Variants in PLAAT5 observed in about 807,000 individuals in gnomAD.
The protein encoded by PLAAT5 is Ca(2+)-independent N-acyltransferase.
In PLAAT5, 27 loss-of-function variants were observed where a neutral mutation model predicts 27.8. The observed-to-expected ratio is 0.97, with a 90% CI of 0.72 to 1.34. The LOEUF (loss-of-function observed/expected upper bound fraction) is 1.34, where lower values mean the gene tolerates loss of function less well. PLAAT5 is among the 40% of genes most tolerant of loss of function. PLAAT5 has a pLI of 0.00. For missense variants in PLAAT5, 368 were observed against 343.8 expected, an observed-to-expected ratio of 1.07 and a Z score of -0.56; for synonymous variants, 125 against 136.1, an observed-to-expected ratio of 0.92 and a Z score of 0.57.
chr11:63,479,787 C>T (rs1161900176), intron 3 of PLAAT5, among the ~76,000 whole-genome samples: 1 of 152,140 alleles, frequency 6.6e-6, no homozygotes, highest in African/African-American at 2.4e-5. Flanking sequence ...AAAAGATGAA[C>T]AAGAAGTGAA....
At chr11:63,484,103 A>G (rs1489781497) in intron 3 of PLAAT5, among the ~76,000 whole-genome samples, 1 of 150,754 alleles carries the variant, frequency 6.6e-6, no homozygotes, top group Non-Finnish European at 1.5e-5. Flanking sequence ...GAAACTCTGA[A>G]CAGACGATAA....
At chr11:63,478,308 GAGAACCAAT>G (rs960610521) in intron 3 of PLAAT5, among the ~76,000 whole-genome samples, 5 of 151,750 alleles carry the variant, frequency 3.3e-5, no homozygotes, top group Non-Finnish European at 7.4e-5. Context: ...TGTTCTTTCT[GAGAACCAAT>G]AGACTTTCTT....
rs756289813 is a variant in PLAAT5 at position 63,488,931 on chromosome 11, T to C, written c.285A>G (p.Ala95=). 8 of 1,613,880 alleles carry C rather than the reference T, an allele frequency of 5.0e-6. No homozygotes were observed. The Admixed American group carries it at 1.2e-4, about 24-fold the overall frequency. ...CAGGCTTTGGAATTGAACTCCAGTC[T>C]GCTTTCTGGCTGGGTGTGGTCTCCA... ...VSLETTPSQK[A]DWSSIPKPEN... is the part of the protein sequence containing the mutation. The change falls in exon 3 of 6, where the codon GCA becomes GCG. Residue 95 remains alanine (A), a synonymous_variant. Transcript: ENST00000540857.
chr11:63,467,868 C>T (rs2015904633), intron 4 of PLAAT5, among the ~76,000 whole-genome samples: 1 of 152,172 alleles, frequency 6.6e-6, no homozygotes, highest in South Asian at 2.1e-4. Flanking sequence ...GCTGTATCTA[C>T]ATTTAGGGTG....
rs2120351816 is a variant in PLAAT5 at position 63,490,883 on chromosome 11, T to C, written c.148+4A>G. On this transcript the variant is annotated splice_donor_region_variant and intron_variant, in intron 1 of 5. Coordinates refer to ENST00000540857, the MANE Select transcript of PLAAT5 (RefSeq NM_001146729.2). The stretch of plus-strand genomic sequence containing the variant: ...TGTCCTTCAGCCGCATTCTTGGGGC[T>C]GACCTGAGTGGGGCACAGCTGAACG... The C allele has an allele frequency of 6.2e-7, 1 of 1,601,362 alleles. No homozygotes were observed.
intron 3 of PLAAT5, among the ~76,000 whole-genome samples, chr11:63,483,805 A>ATG (rs1258095040): frequency 1.4e-4 from 5 of 36,276 alleles, no homozygotes; most frequent in African/African-American, 1.1e-3. Context: ...ATATATGTAT[A>ATG]TATATATATA....
Position 63,468,456 on chromosome 11 carries a change from T to G in PLAAT5, c.355A>C (p.Arg119=), listed in dbSNP as rs1455461455. 6.2e-7 allele frequency: 1 copy of G among 1,613,486 alleles called. No individual in the cohort carries two copies. Among genetic ancestry groups the G allele is most frequent in the South Asian group, 1.1e-5 (1 of 91,040 alleles). Residue 119 remains arginine (R), a synonymous_variant, in exon 4 of 6, where the codon AGA becomes CGA. Transcript: ENST00000540857. ...TCAATCAGGTCTCCAGGTCTGGGTCTTGGTTTTCCCTATAATGGAAAAATA... is the reference window on the plus strand; with the variant it reads ...TCAATCAGGTCTCCAGGTCTGGGTCGTGGTTTTCCCTATAATGGAAAAATA... The part of the protein sequence containing the change: ...LIKQAAEGKP[R]PRPGDLIEIF...
intron 2 of PLAAT5, among the ~76,000 whole-genome samples, chr11:63,489,653 C>A (rs887535278): frequency 6.6e-6 from 1 of 152,164 alleles, no homozygotes; most frequent in Non-Finnish European, 1.5e-5. Flanking sequence ...GCTTGATTAT[C>A]TTTAAAAATA....
chr11:63,466,392 A>C lies in PLAAT5; in HGVS notation c.455-20T>G. 1 of 1,611,876 alleles carries C rather than the reference A, an allele frequency of 6.2e-7. No individual in the cohort carries two copies. Among genetic ancestry groups the C allele is most frequent in the South Asian group, 1.1e-5 (1 of 90,636 alleles). The stretch of plus-strand genomic sequence containing the variant: ...CCTCACCTGGAGACCAAAGACAAAC[A>C]AAGGTTGGGAAATACAAGGAGTAGC... On this transcript the variant is annotated intron_variant, in intron 4 of 5. Transcript: ENST00000540857.
chr11:63,472,953 A>C (rs2016064476), intron 3 of PLAAT5, among the ~76,000 whole-genome samples: 1 of 152,030 alleles, frequency 6.6e-6, no homozygotes, highest in African/African-American at 2.4e-5. Flanking sequence ...AAAATACAAA[A>C]AAAAAAATGA....
At chr11:63,471,993 G>A (rs1032013966) in intron 3 of PLAAT5, among the ~76,000 whole-genome samples, 1 of 152,142 alleles carries the variant, frequency 6.6e-6, no homozygotes, top group Non-Finnish European at 1.5e-5. Flanking sequence ...TGAATGATGA[G>A]AACACGTGGA....
chr11:63,466,935 G>A (rs2015882316), intron 4 of PLAAT5, among the ~76,000 whole-genome samples: 1 of 152,152 alleles, frequency 6.6e-6, no homozygotes, highest in African/African-American at 2.4e-5. Context: ...TTAAGGGTAT[G>A]TTTGAAAACA....
chr11:63,489,649 T>C (rs1469987900), intron 2 of PLAAT5, among the ~76,000 whole-genome samples: 1 of 152,188 alleles, frequency 6.6e-6, no homozygotes, highest in Non-Finnish European at 1.5e-5. Flanking sequence ...CTCAGCTTGA[T>C]TATCTTTAAA....
chr11:63,486,771 A>G (rs1031842214), intron 3 of PLAAT5, among the ~76,000 whole-genome samples: 1 of 152,204 alleles, frequency 6.6e-6, no homozygotes, highest in African/African-American at 2.4e-5. Flanking sequence ...GAACTTTTGC[A>G]TGCAACCAAA....
At chr11:63,483,647 CAAAA>C (rs899244670) in intron 3 of PLAAT5, among the ~76,000 whole-genome samples, 1 of 64,270 alleles carries the variant, frequency 1.6e-5, no homozygotes, top group Non-Finnish European at 3.2e-5. Flanking sequence ...ATGCCTACAC[CAAAA>C]AAAAAAAAAA....
At chr11:63,464,655 C>CA (rs5792290) in intron 5 of PLAAT5, among the ~76,000 whole-genome samples, 23,631 of 149,356 alleles carry the variant, frequency 0.16, 3,059 homozygotes, top group African/African-American at 0.34. Flanking sequence ...GACTCTGTCT[C>CA]AAAAAAAAAG....
intron 3 of PLAAT5, among the ~76,000 whole-genome samples, chr11:63,475,720 A>G (rs909275796): frequency 6.6e-6 from 1 of 151,928 alleles, no homozygotes; most frequent in African/African-American, 2.4e-5. Flanking sequence ...TGTATCAAAT[A>G]CGTATTTTCT....
intron 3 of PLAAT5, among the ~76,000 whole-genome samples, chr11:63,487,537 C>G (rs78133074): frequency 0.066 from 10,074 of 151,942 alleles, 705 homozygotes; most frequent in African/African-American, 0.17. Flanking sequence ...TAGAATTTGT[C>G]TGGCAGGCTT....
chr11:63,485,626 A>G lies in PLAAT5; in HGVS notation c.345+3245T>C, dbSNP rs117447193. 7.5e-4 allele frequency among the ~76,000 whole-genome samples: 115 copies of G among 152,370 alleles called. 1 individual carries two copies. In the East Asian group the frequency reaches 0.017, roughly 22 times the overall value. ...TCTCACCTTCTACAAAAATCAACTC[A>G]AGATGCATCAAAGATTTAAATCTAA... On this transcript the variant is annotated intron_variant, in intron 3 of 5. Transcript: ENST00000540857.
Sources: gnomAD v4.1 joint callset for allele counts (sites outside exome capture counted in the v4.1 genomes callset) on GRCh38, gnomAD v4.1.1 for gene constraint, MANE v1.5 for transcripts, NCBI Gene and HGNC (gene_info 2026-07-23, HGNC 2026-07-21) for gene names.